KLHL29: variants seen among roughly 807,000 people sequenced by gnomAD.
The protein encoded by KLHL29 is kelch like family member 29.
KLHL29 carries 21 observed loss-of-function variants against 80.4 expected under a neutral mutation model. That is an observed-to-expected ratio of 0.26 (90% CI 0.19 to 0.38). The LOEUF (loss-of-function observed/expected upper bound fraction) is 0.38, where lower values mean the gene tolerates loss of function less well. KLHL29 is among the 10% of genes least tolerant of loss of function. KLHL29 has a pLI of 1.00. For synonymous variants in KLHL29, 511 were observed against 526.8 expected (o/e 0.97, Z 0.41); for missense variants, 867 against 1,223.9 (o/e 0.71, Z 4.35).
At chr2:23,703,050 C>A in intron 11 of KLHL29, 136 bp from the exon 12 acceptor site, 1 of 541,258 alleles carries the variant, frequency 1.8e-6, no homozygotes, top group Non-Finnish European at 3.0e-6. Flanking sequence ...CAGTGCCCCC[C>A]ACTGCTGGTG....
intron 1 of KLHL29, among the ~76,000 whole-genome samples, chr2:23,412,071 C>T (rs1443322994): frequency 1.3e-5 from 2 of 148,250 alleles, no homozygotes; most frequent in Non-Finnish European, 3.0e-5. Flanking sequence ...GAGGTGGTTT[C>T]CATGCTTGGA....
rs143103686 is a variant in KLHL29, at chr2:23,652,031, C to T, written c.940+9181C>T. On this transcript the variant is annotated intron_variant, in intron 5 of 13. Coordinates refer to ENST00000486442, the MANE Select transcript of KLHL29 (RefSeq NM_052920.2). ...GGGTAGGAGGGGACACATTTCAGTCCGTAACAGTCTACAAGTCTGTCTAGT... is the reference window on the plus strand; with the variant it reads ...GGGTAGGAGGGGACACATTTCAGTCTGTAACAGTCTACAAGTCTGTCTAGT... Among the ~76,000 whole-genome samples, 19 of 152,276 alleles carry T rather than the reference C, an allele frequency of 1.2e-4. No homozygotes were observed. In the East Asian group the frequency reaches 1.5e-3, roughly 12 times the overall value.
intron 6 of KLHL29, among the ~76,000 whole-genome samples, chr2:23,687,859 A>G (rs1018003840): frequency 2.0e-5 from 3 of 152,194 alleles, no homozygotes; most frequent in Non-Finnish European, 4.4e-5. Context: ...CCTGGGTCAC[A>G]GGAGCCTGGG....
chr2:23,650,239 A>C (rs541526192), intron 5 of KLHL29, among the ~76,000 whole-genome samples: 3 of 152,318 alleles, frequency 2.0e-5, no homozygotes, highest in African/African-American at 7.2e-5. Flanking sequence ...GCCTGCAGGA[A>C]AGTTAAGGGG....
intron 2 of KLHL29, among the ~76,000 whole-genome samples, chr2:23,528,426 G>A (rs368798485): frequency 3.3e-5 from 5 of 152,138 alleles, no homozygotes; most frequent in East Asian, 3.9e-4. Context: ...TGCACTCTCC[G>A]TGTGGTTCAA....
chr2:23,448,553 G>A (rs188273836), intron 1 of KLHL29, among the ~76,000 whole-genome samples: 17 of 152,298 alleles, frequency 1.1e-4, no homozygotes, highest in Admixed American at 8.5e-4. Flanking sequence ...CAGCTTCCAG[G>A]AGTGATTCTC....
chr2:23,574,488 A>G (rs1667794520), intron 3 of KLHL29, among the ~76,000 whole-genome samples: 1 of 152,198 alleles, frequency 6.6e-6, no homozygotes, highest in Non-Finnish European at 1.5e-5. Context: ...TTATTAAAAT[A>G]AATGCCCTGG....
At chr2:23,663,898 G>A (rs747261385) in intron 5 of KLHL29, among the ~76,000 whole-genome samples, 3 of 152,180 alleles carry the variant, frequency 2.0e-5, no homozygotes, top group Admixed American at 2.0e-4. Context: ...TTTTTACTAT[G>A]ATCTATTGTG....
intron 1 of KLHL29, among the ~76,000 whole-genome samples, chr2:23,426,703 C>T (rs1381549847): frequency 5.3e-5 from 8 of 152,158 alleles, no homozygotes; most frequent in African/African-American, 1.9e-4. Context: ...AAGTATGGCC[C>T]GAGAATCCAG....
At chr2:23,527,944 G>A (rs1257819773) in intron 2 of KLHL29, among the ~76,000 whole-genome samples, 1 of 152,198 alleles carries the variant, frequency 6.6e-6, no homozygotes. Context: ...CCAGGCTACT[G>A]CAGACCCCAT....
At chr2:23,543,647 T>C (rs1040477593) in intron 2 of KLHL29, among the ~76,000 whole-genome samples, 1 of 152,212 alleles carries the variant, frequency 6.6e-6, no homozygotes, top group African/African-American at 2.4e-5. Context: ...AGTCAGATAG[T>C]GCCTAGGAGC....
chr2:23,701,824 C>T (rs1407649145), intron 11 of KLHL29, among the ~76,000 whole-genome samples: 6 of 81,632 alleles, frequency 7.4e-5, no homozygotes, highest in East Asian at 8.9e-4. Flanking sequence ...TTTTTTCAGA[C>T]GGAGTTTTGC....
chr2:23,435,185 G>A (rs1013398227), intron 1 of KLHL29, among the ~76,000 whole-genome samples: 1 of 152,162 alleles, frequency 6.6e-6, no homozygotes, highest in Non-Finnish European at 1.5e-5. Context: ...CATGGAGACG[G>A]GGAATGTATG....
chr2:23,543,834 C>A (rs985935967), intron 2 of KLHL29, among the ~76,000 whole-genome samples: 1 of 152,150 alleles, frequency 6.6e-6, no homozygotes, highest in Non-Finnish European at 1.5e-5. Flanking sequence ...CTCCCTCCAC[C>A]ACTCCAGATG....
intron 3 of KLHL29, among the ~76,000 whole-genome samples, chr2:23,565,057 G>A (rs1002540501): frequency 6.6e-6 from 1 of 152,168 alleles, no homozygotes. Context: ...GTTGTTGTGA[G>A]GACTGTGTGG....
intron 1 of KLHL29, among the ~76,000 whole-genome samples, chr2:23,473,448 G>A (rs1664551675): frequency 6.6e-6 from 1 of 152,118 alleles, no homozygotes; most frequent in Non-Finnish European, 1.5e-5. Context: ...ATCAGCACAT[G>A]AGGAAAAGTC....
rs981509072 is a variant in KLHL29 at position 23,684,821 on chromosome 2, C to G, written c.1079+284C>G. ...CAGTAGACAACACCGTGCCCCACCC[C>G]TGAGATCCCAGGTTCTCAGTGGCTC... On this transcript the variant is annotated intron_variant, in intron 6 of 13. Transcript: ENST00000486442. This position sits in a 1 kb window ranked among gnomAD's most constrained non-coding sequence, Gnocchi z 4.4. Among the ~76,000 whole-genome samples, 1 of 148,056 alleles carries G rather than the reference C, an allele frequency of 6.8e-6. No individual in the cohort carries two copies. The highest frequency in any genetic ancestry group is 2.4e-5 in the African/African-American group (1 of 41,186).
At chr2:23,550,915 G>C (rs112654329) in intron 2 of KLHL29, among the ~76,000 whole-genome samples, 7 of 152,238 alleles carry the variant, frequency 4.6e-5, no homozygotes, top group South Asian at 2.1e-4. Flanking sequence ...GCCCTGGGAG[G>C]GGGTAAGCCT....
At chr2:23,598,998 G>A (rs572396170) in intron 3 of KLHL29, among the ~76,000 whole-genome samples, 1 of 152,342 alleles carries the variant, frequency 6.6e-6, no homozygotes, top group East Asian at 1.9e-4. Flanking sequence ...TGAAACAAGG[G>A]CCATGGGAAA....
Sources: allele counts gnomAD v4.1 joint callset (sites outside exome capture counted in the v4.1 genomes callset), GRCh38; gene constraint gnomAD v4.1.1; non-coding constraint Gnocchi (gnomAD v3.1); transcripts MANE v1.5; gene names NCBI Gene and HGNC (gene_info 2026-07-23, HGNC 2026-07-21).